The following CSMD1 variants were observed in gnomAD, a reference collection of about 807,000 sequenced individuals.
The protein encoded by CSMD1 is CUB and sushi domain-containing protein 1.
Under a neutral mutation model 417.5 loss-of-function variants are expected in CSMD1, and 213 were observed. The ratio of observed to expected loss-of-function variants is 0.51; its 90% CI spans 0.46 to 0.57. The LOEUF is 0.57. Ranked by LOEUF, CSMD1 falls within the 20% of genes least tolerant of loss-of-function variation. The pLI is 0.00. For synonymous variants in CSMD1, 2,862 were observed against 1,736.8 expected (o/e 1.65, Z -16.11); for missense variants, 6,923 against 4,529.7 (o/e 1.53, Z -15.17).
intron 3 of CSMD1, among the ~76,000 whole-genome samples, chr8:4,043,483 C>A (rs1209342769): frequency 1.3e-5 from 2 of 151,444 alleles, no homozygotes; most frequent in Non-Finnish European, 2.9e-5. Flanking sequence ...ATGTTGTCTT[C>A]AAAAAAAAGT....
intron 21 of CSMD1, among the ~76,000 whole-genome samples, chr8:3,355,268 T>A (rs1808705750): frequency 6.6e-6 from 1 of 152,152 alleles, no homozygotes; most frequent in South Asian, 2.1e-4. Context: ...TTTAACACCC[T>A]GAGAAAATTT....
chr8:2,957,052 A>C (rs893339838), intron 63 of CSMD1, among the ~76,000 whole-genome samples: 1 of 152,228 alleles, frequency 6.6e-6, no homozygotes, highest in Non-Finnish European at 1.5e-5. Context: ...AGAATAAGAC[A>C]CCGCATTTCA....
chr8:4,192,921 C>T (rs562323555), intron 3 of CSMD1, among the ~76,000 whole-genome samples: 2 of 152,242 alleles, frequency 1.3e-5, no homozygotes, highest in South Asian at 4.1e-4. Flanking sequence ...CTCACTTTAC[C>T]TAAGAGTATT....
intron 2 of CSMD1, among the ~76,000 whole-genome samples, chr8:4,517,992 G>A (rs1051290330): frequency 5.3e-5 from 8 of 152,038 alleles, no homozygotes; most frequent in African/African-American, 9.7e-5. Flanking sequence ...ATTCAATATT[G>A]ATACTCATTA....
intron 37 of CSMD1, among the ~76,000 whole-genome samples, chr8:3,176,115 T>C (rs781318182): frequency 8.1e-4 from 123 of 152,284 alleles, no homozygotes; most frequent in Non-Finnish European, 1.5e-3. Context: ...CAGAAATACG[T>C]ATAAGCTGAA....
intron 7 of CSMD1, among the ~76,000 whole-genome samples, chr8:3,702,629 A>C (rs1800933959): frequency 6.6e-6 from 1 of 152,208 alleles, no homozygotes; most frequent in African/African-American, 2.4e-5. Flanking sequence ...TCAGGAATTC[A>C]AGATCAGCTT....
At chr8:3,641,650 G>A (rs1797313047) in intron 7 of CSMD1, among the ~76,000 whole-genome samples, 3 of 152,152 alleles carry the variant, frequency 2.0e-5, no homozygotes, top group South Asian at 2.1e-4. Flanking sequence ...TTATAGTCAC[G>A]TAGGAATTTC....
intron 3 of CSMD1, among the ~76,000 whole-genome samples, chr8:4,196,146 G>A (rs2131233919): frequency 6.6e-6 from 1 of 152,264 alleles, no homozygotes; most frequent in South Asian, 2.1e-4. Context: ...GGGAAGTGGA[G>A]CTTGCAGGGA....
At chr8:3,501,550 G>A (rs747983078) in intron 10 of CSMD1, among the ~76,000 whole-genome samples, 5 of 152,270 alleles carry the variant, frequency 3.3e-5, no homozygotes, top group South Asian at 2.1e-4. Flanking sequence ...ATTAATAACT[G>A]TAGGTTTGAA....
intron 1 of CSMD1, among the ~76,000 whole-genome samples, chr8:4,699,047 G>C (rs1311498483): frequency 6.6e-6 from 1 of 152,002 alleles, no homozygotes; most frequent in African/African-American, 2.4e-5. Context: ...CTTGTCCACA[G>C]TTTTGGGAAA....
At chr8:3,986,859 A>G (rs1316653533) in intron 5 of CSMD1, among the ~76,000 whole-genome samples, 3 of 151,988 alleles carry the variant, frequency 2.0e-5, no homozygotes, top group Admixed American at 6.6e-5. Context: ...GGTTCAAGCA[A>G]TTCTCCTGCT....
Position 3,786,227 on chromosome 8 carries a change from T to C in CSMD1, c.819-32185A>G, listed in dbSNP as rs555419735. Among the ~76,000 whole-genome samples the C allele has an allele frequency of 3.9e-5, 6 of 152,168 alleles. No individual in the cohort carries two copies. The South Asian group carries it at 6.2e-4, about 16-fold the overall frequency. Reference sequence around the variant, plus strand: ...TTTTGGGCACGTTGGGATCAAGGTGTCGCTAAGACATTGTCGGGAGATGTC... The same window carrying C: ...TTTTGGGCACGTTGGGATCAAGGTGCCGCTAAGACATTGTCGGGAGATGTC... On this transcript the variant is annotated intron_variant, in intron 5 of 69. Transcript: ENST00000635120.
Position 3,408,179 on chromosome 8 carries a change from T to C in CSMD1, c.1791A>G (p.Ser597=). The C allele has an allele frequency of 6.2e-7, 1 of 1,612,150 alleles. No homozygotes were observed. ...NFTASSGIIL[S]PNYPEEYGNN... is the part of the protein sequence containing the mutation. ...TCCCATATTCCTCTGGATAATTTGGTGACAGAATAATCCCAGATGATGCCG... is the reference window on the plus strand; with the variant it reads ...TCCCATATTCCTCTGGATAATTTGGCGACAGAATAATCCCAGATGATGCCG... Residue 597 remains serine, a synonymous_variant, in exon 14 of 70, where the codon TCA becomes TCG. Transcript: ENST00000635120.
intron 1 of CSMD1, among the ~76,000 whole-genome samples, chr8:4,691,059 C>A (rs1178593228): frequency 6.6e-6 from 1 of 152,116 alleles, no homozygotes; most frequent in Non-Finnish European, 1.5e-5. Context: ...TTGAAACATG[C>A]ACCTTTAAAA....
At chr8:4,304,972 T>A (rs1054526673) in intron 3 of CSMD1, among the ~76,000 whole-genome samples, 2 of 152,176 alleles carry the variant, frequency 1.3e-5, no homozygotes, top group Non-Finnish European at 2.9e-5. Flanking sequence ...CACTAACGTC[T>A]GGATGGTAAT....
chr8:3,352,917 C>A (rs1482024506), intron 21 of CSMD1, among the ~76,000 whole-genome samples: 1 of 151,982 alleles, frequency 6.6e-6, no homozygotes, highest in East Asian at 1.9e-4. Context: ...ACAAAAAACA[C>A]AAAAACACAT....
chr8:4,158,483 T>C (rs1796963329), intron 3 of CSMD1, among the ~76,000 whole-genome samples: 1 of 151,988 alleles, frequency 6.6e-6, no homozygotes, highest in African/African-American at 2.4e-5. Flanking sequence ...AGTGCAGTCA[T>C]CAGTATGGCA....
At chr8:4,411,491 C>T (rs183478325) in intron 3 of CSMD1, among the ~76,000 whole-genome samples, 1 of 152,200 alleles carries the variant, frequency 6.6e-6, no homozygotes, top group East Asian at 1.9e-4. Flanking sequence ...CAGAGATCCA[C>T]TTAACAATAT....
chr8:3,291,493 T>C (rs200045055), intron 25 of CSMD1, among the ~76,000 whole-genome samples: 2 of 152,182 alleles, frequency 1.3e-5, no homozygotes, highest in African/African-American at 4.8e-5. Context: ...GATTATTGCC[T>C]CAATTTCAGA....
Sources: allele counts gnomAD v4.1 joint callset (sites outside exome capture counted in the v4.1 genomes callset), GRCh38; gene constraint gnomAD v4.1.1; transcripts MANE v1.5; gene names NCBI Gene and HGNC (gene_info 2026-07-23, HGNC 2026-07-21).